The following ZNF395 variants were observed in gnomAD, a reference collection of about 807,000 sequenced individuals.
ZNF395 encodes the protein HD gene regulatory region-binding protein 2.
ZNF395 carries 20 observed loss-of-function variants against 57.7 expected under a neutral mutation model. That is an observed-to-expected ratio of 0.35 (90% CI 0.24 to 0.50). The LOEUF (loss-of-function observed/expected upper bound fraction) is 0.50, where lower values mean the gene tolerates loss of function less well. Among genes scored for constraint, ZNF395 ranks in the 20% least tolerant of loss-of-function variants. The pLI, the probability that ZNF395 is intolerant of heterozygous loss-of-function variation, is 0.97. For missense variants in ZNF395, 606 were observed against 671.2 expected (o/e 0.90, Z 1.07); for synonymous variants, 295 against 275.9 (o/e 1.07, Z -0.69).
rs374297871 is a variant in ZNF395, at chr8:28,352,705, T to A, written c.820-32A>T. 5 of 1,579,726 alleles carry A rather than the reference T, an allele frequency of 3.2e-6. No individual in the cohort carries two copies. The Admixed American group carries it at 5.0e-5, about 16-fold the overall frequency. ...GAAAGGAAGACAGGGTGAGTGGATATGTCTTTCTCCTTATCCCTCGCTCAA... is the reference window on the plus strand; with the variant it reads ...GAAAGGAAGACAGGGTGAGTGGATAAGTCTTTCTCCTTATCCCTCGCTCAA... On this transcript the variant is annotated intron_variant, in intron 5 of 9. Transcript: ENST00000344423. The surrounding 1 kb of genome is among the most constrained non-coding windows in gnomAD (Gnocchi z 4.0).
chr8:28,350,154 A>G lies in ZNF395; in HGVS notation c.1236T>C (p.Ala412=). The part of the protein sequence containing the change: ...WHIQADHAYQ[A]LPSFQIPVSP... ...AGACTGGGATCTGGAAGGATGGCAG[A>G]GCCTGCGGAAGACGAGGGTGTCAGC... Residue 412 remains alanine, a splice_region_variant and synonymous_variant, in exon 8 of 10, where the codon GCT becomes GCC. Coordinates refer to ENST00000344423, the MANE Select transcript of ZNF395 (RefSeq NM_018660.3). 1 of 1,603,288 alleles carries G rather than the reference A, an allele frequency of 6.2e-7. No individual in the cohort carries two copies. Among genetic ancestry groups the G allele is most frequent in the Non-Finnish European group, 8.5e-7 (1 of 1,176,678 alleles).
At chr8:28,373,380 C>T (rs1042480384) in intron 1 of ZNF395, among the ~76,000 whole-genome samples, 2 of 152,226 alleles carry the variant, frequency 1.3e-5, no homozygotes, top group African/African-American at 2.4e-5. Context: ...AGGCCAGAAT[C>T]GTAAACAGTG....
At position 28,348,663 on chromosome 8, in the gene ZNF395, C is replaced by T; in HGVS notation, c.*56G>A. On this transcript the variant is annotated 3_prime_UTR_variant, in exon 10 of 10. Coordinates refer to ENST00000344423, the MANE Select transcript of ZNF395 (RefSeq NM_018660.3). ...CTGCTGAGGGCTGGTGACACACTGGCCTCTTGTCAGTGGCTGCCGGCAGGG... is the reference window on the plus strand; with the variant it reads ...CTGCTGAGGGCTGGTGACACACTGGTCTCTTGTCAGTGGCTGCCGGCAGGG... 5 of 1,499,284 alleles carry T rather than the reference C, an allele frequency of 3.3e-6. No homozygotes were observed. The highest frequency in any genetic ancestry group is 4.6e-6 in the Non-Finnish European group (5 of 1,075,704). The allele number at this position is 1,499,284 out of a possible 1,614,324, so 92.9% of individuals were successfully genotyped here.
intron 1 of ZNF395, among the ~76,000 whole-genome samples, chr8:28,363,970 T>A (rs534223240): frequency 1.3e-3 from 192 of 152,308 alleles, no homozygotes; most frequent in African/African-American, 4.5e-3. Flanking sequence ...CACACCAAAA[T>A]ACATTTTCTC....
At chr8:28,378,096 C>G (rs1417586658) in intron 1 of ZNF395, among the ~76,000 whole-genome samples, 1 of 152,070 alleles carries the variant, frequency 6.6e-6, no homozygotes, top group Non-Finnish European at 1.5e-5. Flanking sequence ...CTGTGTTGTT[C>G]ATTATTACTG....
chr8:28,383,610 G>T (rs1802136505), intron 1 of ZNF395, among the ~76,000 whole-genome samples: 1 of 152,046 alleles, frequency 6.6e-6, no homozygotes. Context: ...CCAACTTCAG[G>T]TTCAGAACCG....
chr8:28,351,375 G>A (rs1801680036), intron 7 of ZNF395, 120 bp downstream of exon 7: 13 of 1,098,694 alleles, frequency 1.2e-5, no homozygotes, highest in Admixed American at 9.7e-5. Context: ...CCTTGTAGAA[G>A]AGATTAGCAA....
chr8:28,370,919 C>T (rs1801968735), intron 1 of ZNF395, among the ~76,000 whole-genome samples: 1 of 152,218 alleles, frequency 6.6e-6, no homozygotes, highest in South Asian at 2.1e-4. Context: ...AATCCGTGGC[C>T]TTTCAAAGAC....
At chr8:28,351,828 G>A in intron 6 of ZNF395, 21 bp from the exon 7 acceptor site, 1 of 1,526,492 alleles carries the variant, frequency 6.6e-7, no homozygotes. Context: ...GGGAGATGCG[G>A]TATAATCAGG....
chr8:28,354,399 C>A (rs990941583), intron 4 of ZNF395, among the ~76,000 whole-genome samples: 1 of 152,210 alleles, frequency 6.6e-6, no homozygotes, highest in Non-Finnish European at 1.5e-5. Context: ...AAAGCCCCAA[C>A]TCCCAACAGG....
chr8:28,351,646 C>A lies in ZNF395; in HGVS notation c.1082G>T (p.Gly361Val). Reference protein sequence around the residue: ...SEPAPTPSMTGLPLSALPPPL... With the variant: ...SEPAPTPSMTVLPLSALPPPL... ...TGGTGGAAGAGCAGACAGAGGCAGG[C>A]CAGTCATGCTGGGGGTGGGAGCTGG... is the stretch of plus-strand genomic sequence containing the variant. Residue 361 changes from glycine to valine, a missense_variant, in exon 7 of 10, where the codon GGC becomes GTC. This residue lies in a region of ZNF395 where 261 missense variants were observed against 240.3 expected (regional missense o/e 1.09). Transcript: ENST00000344423. 1.9e-6 allele frequency: 3 copies of A among 1,613,360 alleles called. No homozygotes were observed. Among genetic ancestry groups the A allele is most frequent in the Non-Finnish European group, 2.5e-6 (3 of 1,179,946 alleles).
intron 1 of ZNF395, among the ~76,000 whole-genome samples, chr8:28,380,028 G>T (rs1802090473): frequency 6.6e-6 from 1 of 152,008 alleles, no homozygotes; most frequent in African/African-American, 2.4e-5. Context: ...TTATTTTAAA[G>T]CTATTCCTAA....
chr8:28,368,391 AT>A (rs1276422177), intron 1 of ZNF395: 1 of 152,244 alleles, frequency 6.6e-6, no homozygotes, highest in Non-Finnish European at 1.5e-5. Context: ...TCAATAAAAT[AT>A]GAAGGAACAA....
At position 28,349,163 on chromosome 8, in the gene ZNF395, C is replaced by A; in HGVS notation, c.1392G>T (p.Leu464=). Residue 464 remains leucine, a synonymous_variant, in exon 9 of 10, where the codon CTG becomes CTT. Coordinates refer to ENST00000344423, the MANE Select transcript of ZNF395 (RefSeq NM_018660.3). ...GGGCCCGGGGTGGAGAAGTGACGAT[C>A]AGATGAGATTTCATCGCAGGTGCTG... is the stretch of plus-strand genomic sequence containing the variant. ...QQPAPAMKSH[L]IVTSPPRAQS... is the part of the protein sequence containing the mutation. 1.3e-6 allele frequency: 2 copies of A among 1,566,782 alleles called. No homozygotes were observed. Among genetic ancestry groups the A allele is most frequent in the South Asian group, 2.4e-5 (2 of 83,424 alleles).
chr8:28,361,407 G>A (rs1420804683), intron 1 of ZNF395, among the ~76,000 whole-genome samples: 1 of 152,188 alleles, frequency 6.6e-6, no homozygotes, highest in Non-Finnish European at 1.5e-5. Context: ...TTCTGTGCAT[G>A]TATTTACACT....
In ZNF395 at chr8:28,352,524, G is replaced by T; in HGVS notation, c.920+49C>A. On this transcript the variant is annotated intron_variant, in intron 6 of 9. Coordinates refer to ENST00000344423, the MANE Select transcript of ZNF395 (RefSeq NM_018660.3). This position sits in a 1 kb window ranked among gnomAD's most constrained non-coding sequence, Gnocchi z 4.0. The stretch of plus-strand genomic sequence containing the variant: ...GGTCACAGGGACTCGGCAGGGTGGA[G>T]GGACACCCACACGCGACCCTAGGCT... 6.5e-7 allele frequency: 1 copy of T among 1,539,192 alleles called. No individual in the cohort carries two copies. Among genetic ancestry groups the T allele is most frequent in the Non-Finnish European group, 9.0e-7 (1 of 1,114,606 alleles).
intron 3 of ZNF395, among the ~76,000 whole-genome samples, chr8:28,357,712 A>C (rs1801797728): frequency 6.6e-6 from 1 of 152,240 alleles, no homozygotes; most frequent in Non-Finnish European, 1.5e-5. Flanking sequence ...CAGAAAAATA[A>C]ATTCTTTACC....
rs142226591 is a variant in ZNF395 at position 28,361,001 on chromosome 8, C to T, written c.124G>A (p.Ala42Thr). ...PPSEPLLEGA[A>T]PQPFTTSDDT... ...TCAGAGGTGGTGAAAGGCTGGGGAG[C>T]GGCCCCTTCTAGCAGTGGCTCCGAG... The change falls in exon 2 of 10, where the codon GCT becomes ACT. Residue 42 changes from alanine (A) to threonine (T), a missense_variant. Around this residue, in one of 3 missense-constraint regions of ZNF395, gnomAD observed 309 missense variants for 374.7 expected, o/e 0.82. Transcript: ENST00000344423. The T allele has an allele frequency of 3.2e-5, 52 of 1,610,774 alleles. No individual in the cohort carries two copies. Among genetic ancestry groups the T allele is most frequent in the South Asian group, 1.1e-4 (10 of 90,762 alleles).
At chr8:28,364,155 A>G (rs1801882317) in intron 1 of ZNF395, among the ~76,000 whole-genome samples, 1 of 152,252 alleles carries the variant, frequency 6.6e-6, no homozygotes, top group African/African-American at 2.4e-5. Flanking sequence ...TGATGAGGTG[A>G]CAACCTCAGA....
Sources: allele counts gnomAD v4.1 joint callset (sites outside exome capture counted in the v4.1 genomes callset), GRCh38; gene constraint gnomAD v4.1.1; regional missense constraint gnomAD v4.1.1; non-coding constraint Gnocchi (gnomAD v3.1); transcripts MANE v1.5; gene names NCBI Gene and HGNC (gene_info 2026-07-23, HGNC 2026-07-21).